Variants in NEO1 observed in about 807,000 individuals in gnomAD.
NEO1 encodes neogenin 1, also known as neogenin.
In NEO1, 63 loss-of-function variants were observed where a neutral mutation model predicts 159.7. The ratio of observed to expected loss-of-function variants is 0.39; its 90% CI spans 0.32 to 0.49. The LOEUF (loss-of-function observed/expected upper bound fraction) is 0.49. Among genes scored for constraint, NEO1 ranks in the 20% least tolerant of loss-of-function variants. The pLI is 0.85. For missense variants in NEO1, 1,615 were observed against 1,831.0 expected (o/e 0.88, Z 2.15); for synonymous variants, 633 against 662.0 (o/e 0.96, Z 0.67).
At chr15:73,220,295 C>CCGCT (rs2038160978) in intron 7 of NEO1, among the ~76,000 whole-genome samples, 1 of 152,182 alleles carries the variant, frequency 6.6e-6, no homozygotes, top group Admixed American at 6.5e-5. Context: ...GCCGAGAGAT[C>CCGCT]CACTGTTAGT....
intron 11 of NEO1, among the ~76,000 whole-genome samples, chr15:73,252,447 A>G (rs748815090): frequency 2.6e-5 from 4 of 152,200 alleles, no homozygotes; most frequent in Non-Finnish European, 4.4e-5. Flanking sequence ...TCTCACATCT[A>G]AATGAGTATT....
chr15:73,262,948 T>C (rs1205654207), intron 15 of NEO1, among the ~76,000 whole-genome samples: 2 of 152,198 alleles, frequency 1.3e-5, no homozygotes, highest in South Asian at 2.1e-4. Flanking sequence ...AACACTGTTA[T>C]ATTTTGTGAA....
At chr15:73,059,927 A>G (rs1309069003) in intron 1 of NEO1, among the ~76,000 whole-genome samples, 1 of 152,058 alleles carries the variant, frequency 6.6e-6, no homozygotes, top group East Asian at 1.9e-4. Flanking sequence ...AGAATTGATT[A>G]TTGGTCATTA....
chr15:73,270,556 A>G, intron 18 of NEO1, 102 bp downstream of exon 18: 8 of 1,294,618 alleles, frequency 6.2e-6, no homozygotes, highest in Non-Finnish European at 8.3e-6. Flanking sequence ...GAGCAACTAC[A>G]TTTGGAATTC....
chr15:73,069,686 G>T (rs892450593), intron 1 of NEO1, among the ~76,000 whole-genome samples: 1 of 151,438 alleles, frequency 6.6e-6, no homozygotes, highest in South Asian at 2.1e-4. Flanking sequence ...ATATATATAC[G>T]CACACACGCA....
intron 4 of NEO1, 60 bp downstream of exon 4, chr15:73,126,630 A>T: frequency 6.7e-7 from 1 of 1,491,512 alleles, no homozygotes; most frequent in Non-Finnish European, 9.1e-7. Flanking sequence ...GTCATATCCC[A>T]TTTGGGACTA....
intron 25 of NEO1, among the ~76,000 whole-genome samples, chr15:73,291,379 T>A (rs1252042647): frequency 6.6e-6 from 1 of 152,236 alleles, no homozygotes; most frequent in African/African-American, 2.4e-5. Flanking sequence ...CTTTTTTTGA[T>A]GTTGGGGAAG....
chr15:73,228,828 A>ATTC (rs2038744686), intron 7 of NEO1, among the ~76,000 whole-genome samples: 1 of 152,138 alleles, frequency 6.6e-6, no homozygotes, highest in Non-Finnish European at 1.5e-5. Context: ...AGTTGTTGAA[A>ATTC]AGACTGTTCT....
rs559136481 is a variant in NEO1, at chr15:73,066,450, T to C, written c.130+13645T>C. Among the ~76,000 whole-genome samples, 119 of 151,954 alleles carry C rather than the reference T, an allele frequency of 7.8e-4. 1 individual carries two copies. Among genetic ancestry groups the C allele is most frequent in the Non-Finnish European group, 1.4e-3 (94 of 67,982 alleles). ...GAGTTTTGCTTTTATGTCTGTTTTATCACCTGATTTGGGAGGGTTTCTTTT... is the reference window on the plus strand; with the variant it reads ...GAGTTTTGCTTTTATGTCTGTTTTACCACCTGATTTGGGAGGGTTTCTTTT... On this transcript the variant is annotated intron_variant, in intron 1 of 28. Transcript: ENST00000261908.
intron 22 of NEO1, among the ~76,000 whole-genome samples, chr15:73,281,699 A>G (rs1218257944): frequency 1.3e-5 from 2 of 152,164 alleles, no homozygotes; most frequent in Non-Finnish European, 2.9e-5. Flanking sequence ...TCATCCCATT[A>G]TTGTACACCT....
At chr15:73,102,598 C>T (rs2070463179) in intron 1 of NEO1, among the ~76,000 whole-genome samples, 1 of 152,146 alleles carries the variant, frequency 6.6e-6, no homozygotes, top group African/African-American at 2.4e-5. Context: ...GTGTTTTACT[C>T]TCAGCAGTTC....
At chr15:73,107,804 C>T (rs1188113156) in intron 1 of NEO1, among the ~76,000 whole-genome samples, 3 of 152,156 alleles carry the variant, frequency 2.0e-5, no homozygotes, top group African/African-American at 7.2e-5. Context: ...AAAGACTTTG[C>T]AACTGTATTG....
chr15:73,285,202 C>G (rs957522041), intron 23 of NEO1, among the ~76,000 whole-genome samples: 1 of 152,090 alleles, frequency 6.6e-6, no homozygotes, highest in Admixed American at 6.6e-5. Flanking sequence ...TCACTGCAAC[C>G]TCCACCTCCC....
rs1249939082 is a variant in NEO1 at position 73,178,434 on chromosome 15, A to G, written c.1291+7A>G. 6.2e-7 allele frequency: 1 copy of G among 1,613,466 alleles called. No homozygotes were observed. The highest frequency in any genetic ancestry group is 2.2e-5 in the East Asian group (1 of 44,784). On this transcript the variant is annotated splice_region_variant and intron_variant, in intron 7 of 28. Transcript: ENST00000261908. ...CTGATAATCCTTGAACATGGTAAGA[A>G]GGGCTGAAATAGTCAGATGATAGAG...
rs12161955 is a variant in NEO1, at chr15:73,072,684, G to A, written c.130+19879G>A. 2.6e-5 allele frequency among the ~76,000 whole-genome samples: 4 copies of A among 152,268 alleles called. No homozygotes were observed. The South Asian group carries it at 8.3e-4, about 32-fold the overall frequency. On this transcript the variant is annotated intron_variant, in intron 1 of 28. Transcript: ENST00000261908. ...TAAAGTGACCATCATAATACATGAA[G>A]AAAAAGTGTGTGTGTGCTTGCGTGC...
chr15:73,056,485 G>A (rs912814661), intron 1 of NEO1, among the ~76,000 whole-genome samples: 3 of 152,170 alleles, frequency 2.0e-5, no homozygotes, highest in Non-Finnish European at 2.9e-5. Flanking sequence ...ATTCACCTTT[G>A]TTTCCCTAGT....
chr15:73,161,278 G>A (rs1372694776), intron 5 of NEO1, among the ~76,000 whole-genome samples: 3 of 152,148 alleles, frequency 2.0e-5, no homozygotes, highest in African/African-American at 7.2e-5. Flanking sequence ...TTACTTTGGT[G>A]TAAGAAATGA....
chr15:73,247,908 T>C (rs982695361), intron 9 of NEO1, among the ~76,000 whole-genome samples: 1 of 152,206 alleles, frequency 6.6e-6, no homozygotes, highest in African/African-American at 2.4e-5. Flanking sequence ...AGTCAGCCAG[T>C]GATCCAGTCT....
intron 1 of NEO1, among the ~76,000 whole-genome samples, chr15:73,095,290 T>G (rs1007905516): frequency 2.0e-5 from 3 of 152,108 alleles, no homozygotes; most frequent in African/African-American, 7.2e-5. Flanking sequence ...ATGTTGATTT[T>G]TACATTTTGA....
Sources: allele counts gnomAD v4.1 joint callset (sites outside exome capture counted in the v4.1 genomes callset), GRCh38; gene constraint gnomAD v4.1.1; transcripts MANE v1.5; gene names NCBI Gene and HGNC (gene_info 2026-07-23, HGNC 2026-07-21).